Variants in CLEC16A observed in about 807,000 individuals in gnomAD.
CLEC16A encodes protein CLEC16A.
Under a neutral mutation model 109.5 loss-of-function variants are expected in CLEC16A, and 51 were observed. The observed-to-expected ratio is 0.47, with a 90% CI of 0.37 to 0.59. The LOEUF (loss-of-function observed/expected upper bound fraction) is 0.59. Ranked by LOEUF, CLEC16A falls within the 20% of genes least tolerant of loss-of-function variation. The probability of loss-of-function intolerance (pLI) is 0.00; values close to 1 mark genes in which losing one functional copy is unlikely to be tolerated. For synonymous variants in CLEC16A, 673 were observed against 564.2 expected, an observed-to-expected ratio of 1.19 and a Z score of -2.73; for missense variants, 1,339 against 1,394.0, an observed-to-expected ratio of 0.96 and a Z score of 0.63.
At chr16:11,156,601 A>T in intron 22 of CLEC16A, 2 of 1,304,300 alleles carry the variant, frequency 1.5e-6, no homozygotes, top group South Asian at 2.5e-5. Flanking sequence ...GTAGAGAGGC[A>T]GCCCAGATGG....
chr16:11,044,954 C>T (rs891547134), intron 16 of CLEC16A, among the ~76,000 whole-genome samples: 1 of 151,688 alleles, frequency 6.6e-6, no homozygotes, highest in South Asian at 2.1e-4. Context: ...AACTAATTGC[C>T]GTGGTTTTGT....
At chr16:10,998,415 A>G (rs1390688827) in intron 10 of CLEC16A, among the ~76,000 whole-genome samples, 5 of 152,150 alleles carry the variant, frequency 3.3e-5, no homozygotes, top group African/African-American at 1.2e-4. Flanking sequence ...CACCTGGGAG[A>G]TGAGCGCGTG....
At chr16:11,044,759 C>T (rs1412597119) in intron 16 of CLEC16A, among the ~76,000 whole-genome samples, 3 of 151,654 alleles carry the variant, frequency 2.0e-5, no homozygotes, top group Non-Finnish European at 4.4e-5. Context: ...GGAGAAACCC[C>T]GTCTCTACTA....
chr16:11,039,733 C>A (rs960285834), intron 13 of CLEC16A, 21 bp from the exon 14 acceptor site: 11 of 1,585,050 alleles, frequency 6.9e-6, no homozygotes, highest in Admixed American at 3.6e-5. Flanking sequence ...CCTCCACTTA[C>A]ATCCTTCTCC....
chr16:10,964,549 G>A (rs1596774944), intron 3 of CLEC16A, among the ~76,000 whole-genome samples: 1 of 152,180 alleles, frequency 6.6e-6, no homozygotes, highest in African/African-American at 2.4e-5. Context: ...TGTTCAGAGC[G>A]AGGCACAGGG....
Position 11,155,230 on chromosome 16 carries a change from T to C in CLEC16A, c.2642-11158T>C, listed in dbSNP as rs558972433. On this transcript the variant is annotated intron_variant, in intron 22 of 23. Coordinates refer to ENST00000409790, the MANE Select transcript of CLEC16A (RefSeq NM_015226.3). ...AAACAGCGAGTGCTACCTGAACATT[T>C]AGATTGCGTTAATGCTTTCATCCTC... 3.9e-5 allele frequency among the ~76,000 whole-genome samples: 6 copies of C among 152,240 alleles called. No individual in the cohort carries two copies. The South Asian group carries it at 8.3e-4, about 21-fold the overall frequency.
chr16:11,007,979 G>T (rs985230978), intron 11 of CLEC16A, among the ~76,000 whole-genome samples: 1 of 152,014 alleles, frequency 6.6e-6, no homozygotes, highest in Non-Finnish European at 1.5e-5. Context: ...GCAACTTCCC[G>T]AAAACAGTTC....
At chr16:11,051,061 T>C (rs2047913247) in intron 17 of CLEC16A, among the ~76,000 whole-genome samples, 1 of 152,192 alleles carries the variant, frequency 6.6e-6, no homozygotes, top group Admixed American at 6.5e-5. Flanking sequence ...AGGTCACAGC[T>C]TGCAGCGGAA....
intron 22 of CLEC16A, among the ~76,000 whole-genome samples, chr16:11,134,806 T>C (rs1437113801): frequency 6.6e-6 from 1 of 152,342 alleles, no homozygotes; most frequent in South Asian, 2.1e-4. Flanking sequence ...TCTCAGAATG[T>C]CAGAGATCAG....
intron 19 of CLEC16A, among the ~76,000 whole-genome samples, chr16:11,092,837 G>A (rs1400871394): frequency 6.6e-6 from 1 of 152,192 alleles, no homozygotes; most frequent in East Asian, 1.9e-4. Flanking sequence ...AAACACGGTG[G>A]TCGTGACAAT....
chr16:11,050,241 C>G (rs549027706), intron 17 of CLEC16A, among the ~76,000 whole-genome samples: 14 of 152,322 alleles, frequency 9.2e-5, no homozygotes, highest in African/African-American at 3.4e-4. Context: ...CAACATTACT[C>G]CATTCATGAG....
intron 11 of CLEC16A, 126 bp from the exon 12 acceptor site, chr16:11,020,067 C>G (rs992180943): frequency 8.9e-7 from 1 of 1,117,548 alleles, no homozygotes; most frequent in Admixed American, 2.9e-5. Flanking sequence ...CAGGTCGCTG[C>G]TGTCGGACAT....
Position 10,962,636 on chromosome 16 carries a change from A to G in CLEC16A, c.343+48A>G. The G allele has an allele frequency of 1.0e-5, 16 of 1,598,250 alleles. 1 individual carries two copies. Among genetic ancestry groups the G allele is most frequent in the Non-Finnish European group, 1.4e-5 (16 of 1,169,514 alleles). Reference sequence around the variant, plus strand: ...GCCTCTGTGCTGCTGTGCATGTAGCAGGGTGAAGTTGGGCGTGGTTTTCTG... The same window carrying G: ...GCCTCTGTGCTGCTGTGCATGTAGCGGGGTGAAGTTGGGCGTGGTTTTCTG... On this transcript the variant is annotated intron_variant, in intron 3 of 23. Transcript: ENST00000409790.
At position 11,166,329 on chromosome 16, in the gene CLEC16A, T is replaced by C. The variant is rs1197748679; in HGVS notation, c.2642-59T>C. 3.3e-6 allele frequency: 5 copies of C among 1,511,458 alleles called. No individual in the cohort carries two copies. In the East Asian group the frequency reaches 9.7e-5, roughly 29 times the overall value. The allele number at this position is 1,511,458 out of a possible 1,614,324, so 93.6% of individuals were successfully genotyped here. On this transcript the variant is annotated intron_variant, in intron 22 of 23. Coordinates refer to ENST00000409790, the MANE Select transcript of CLEC16A (RefSeq NM_015226.3). ...TGGGTTGTTCAGTGGAACCATGACA[T>C]TGAGGCCCTCAGGCCTACTCTTTGC...
intron 1 of CLEC16A, among the ~76,000 whole-genome samples, chr16:10,952,137 C>T (rs2041766041): frequency 6.6e-6 from 1 of 152,218 alleles, no homozygotes; most frequent in South Asian, 2.1e-4. Flanking sequence ...TGCCGTTTCT[C>T]TTTCATTGTT....
intron 22 of CLEC16A, among the ~76,000 whole-genome samples, chr16:11,133,184 C>G (rs1450559069): frequency 1.3e-5 from 2 of 152,070 alleles, no homozygotes; most frequent in African/African-American, 2.4e-5. Context: ...ACTAAAAGTA[C>G]AAAAATTATC....
rs139769110 is a variant in CLEC16A, at chr16:11,112,659, G to A, written c.2117-7956G>A. On this transcript the variant is annotated intron_variant, in intron 19 of 23. Transcript: ENST00000409790. ...CAGCCTGGGTGACAGACCTATCTCA[G>A]TCAATACATACATACATACATACAC... is the stretch of plus-strand genomic sequence containing the variant. Among the ~76,000 whole-genome samples the A allele has an allele frequency of 3.2e-4, 49 of 152,168 alleles. No homozygotes were observed. The East Asian group carries it at 8.7e-3, about 27-fold the overall frequency.
intron 11 of CLEC16A, among the ~76,000 whole-genome samples, chr16:11,012,205 A>C (rs1012558058): frequency 2.2e-4 from 33 of 152,348 alleles, no homozygotes; most frequent in African/African-American, 7.7e-4. Flanking sequence ...CATGTGGCAT[A>C]CTTCTGGTCA....
chr16:10,950,038 G>A (rs533682261), intron 1 of CLEC16A, among the ~76,000 whole-genome samples: 1 of 152,176 alleles, frequency 6.6e-6, no homozygotes, highest in Admixed American at 6.5e-5. Flanking sequence ...TTCTGTGCCT[G>A]TTCACACTGT....
Sources: allele counts gnomAD v4.1 joint callset (sites outside exome capture counted in the v4.1 genomes callset), GRCh38; gene constraint gnomAD v4.1.1; transcripts MANE v1.5; gene names NCBI Gene and HGNC (gene_info 2026-07-23, HGNC 2026-07-21).